The following RADX variants were observed in gnomAD, a reference collection of about 807,000 sequenced individuals.
RADX encodes the protein RPA1 related single stranded DNA binding protein, X-linked, also known as RPA-related protein RADX.
RADX carries 36 observed loss-of-function variants against 61.6 expected under a neutral mutation model. The ratio of observed to expected loss-of-function variants is 0.58; its 90% confidence interval spans 0.45 to 0.77. RADX has a LOEUF of 0.77. Ranked by LOEUF, RADX falls within the 30% of genes least tolerant of loss-of-function variation. RADX has a pLI of 0.00. For missense variants in RADX, 497 were observed against 651.1 expected (o/e 0.76, Z 2.58); for synonymous variants, 272 against 237.9 (o/e 1.14, Z -1.32).
At chrX:106,633,625 C>T (rs1276419969) in intron 6 of RADX, among the ~76,000 whole-genome samples, 1 of 111,693 alleles carries the variant, frequency 9.0e-6, no homozygotes, top group African/African-American at 3.3e-5. Flanking sequence ...ACATCGAAGA[C>T]TTATATAGCA....
At chrX:106,643,164 T>C (rs1255089207) in intron 10 of RADX, among the ~76,000 whole-genome samples, 1 of 111,658 alleles carries the variant, frequency 9.0e-6, no homozygotes, top group East Asian at 2.8e-4. Flanking sequence ...TTTTGCCCGC[T>C]TTTTATTGCA....
chrX:106,612,127 G>A lies in RADX; in HGVS notation c.47G>A (p.Gly16Glu). ...CCTGAGGCTGGTCCCTCACATGCAG[G>A]GCTAGATTGGCCGAACCCTGAGAGG... is the stretch of plus-strand genomic sequence containing the variant. ...GQPEAGPSHA[G>E]LDWPNPERNR... The change falls in exon 1 of 14, where the codon GGG becomes GAG. Residue 16 changes from glycine to glutamate, a missense_variant. Transcript: ENST00000372548. 8.3e-7 allele frequency: 1 copy of A among 1,211,582 alleles called. No individual in the cohort carries two copies. Among genetic ancestry groups the A allele is most frequent in the Non-Finnish European group, 1.1e-6 (1 of 895,287 alleles).
chrX:106,674,050 G>A (rs774516359), intron 13 of RADX, among the ~76,000 whole-genome samples: 3 of 111,187 alleles, frequency 2.7e-5, no homozygotes, highest in Non-Finnish European at 5.7e-5. Flanking sequence ...GGTGGTATTG[G>A]TGATTCAGGA....
At chrX:106,664,844 C>A (rs1360214453) in intron 12 of RADX, among the ~76,000 whole-genome samples, 1 of 110,193 alleles carries the variant, frequency 9.1e-6, no homozygotes, top group African/African-American at 3.3e-5. Context: ...AGAGATAATT[C>A]CACTGCCAAG....
rs1477934370 is a variant in RADX, at chrX:106,619,786, A to G, written c.644-2865A>G. On this transcript the variant is annotated intron_variant, in intron 1 of 13. Coordinates refer to ENST00000372548, the MANE Select transcript of RADX (RefSeq NM_018015.6). ...GTGTATATTTGTTTACATTCTGAGTATTACATTTTTGTTTTCTTTTTCATG... is the reference window on the plus strand; with the variant it reads ...GTGTATATTTGTTTACATTCTGAGTGTTACATTTTTGTTTTCTTTTTCATG... Among the ~76,000 whole-genome samples the G allele has an allele frequency of 4.5e-5, 5 of 110,927 alleles. No homozygotes were observed. In the East Asian group the frequency reaches 1.1e-3, roughly 25 times the overall value.
chrX:106,662,959 AC>A (rs1326368022), intron 12 of RADX, among the ~76,000 whole-genome samples: 1 of 110,231 alleles, frequency 9.1e-6, no homozygotes, highest in Non-Finnish European at 1.9e-5. Flanking sequence ...TGAAAAATTT[AC>A]ACACAAAAAA....
intron 1 of RADX, among the ~76,000 whole-genome samples, chrX:106,618,821 C>A (rs1255365450): frequency 9.0e-6 from 1 of 110,876 alleles, no homozygotes; most frequent in Non-Finnish European, 1.9e-5. Context: ...AAAAAGAGAA[C>A]CACTGGCCTT....
chrX:106,614,876 A>G (rs903162197), intron 1 of RADX, among the ~76,000 whole-genome samples: 6 of 111,644 alleles, frequency 5.4e-5, no homozygotes, highest in Non-Finnish European at 1.1e-4. Flanking sequence ...TTTTAAAAAT[A>G]CAGCTTGATA....
chrX:106,656,090 T>C (rs1318067907), intron 11 of RADX, among the ~76,000 whole-genome samples: 1 of 112,383 alleles, frequency 8.9e-6, no homozygotes, highest in Non-Finnish European at 1.9e-5. Flanking sequence ...TTATCTATTA[T>C]GCTAAGCTTA....
At chrX:106,628,650 T>A (rs1927130649) in intron 3 of RADX, among the ~76,000 whole-genome samples, 1 of 109,067 alleles carries the variant, frequency 9.2e-6, no homozygotes, top group Non-Finnish European at 1.9e-5. Flanking sequence ...GTGAATTTTT[T>A]TTTTTTTTTT....
intron 1 of RADX, among the ~76,000 whole-genome samples, chrX:106,615,588 C>T (rs1926782857): frequency 8.9e-6 from 1 of 111,927 alleles, no homozygotes; most frequent in Admixed American, 9.4e-5. Flanking sequence ...ATTTCCTCCC[C>T]CATTTATTCT....
In RADX at chrX:106,642,243, T is replaced by C. The variant is rs1927531326; in HGVS notation, c.1904+1522T>C. 2.7e-5 allele frequency among the ~76,000 whole-genome samples: 3 copies of C among 111,426 alleles called. No homozygotes were observed. The Admixed American group carries it at 2.9e-4, about 11-fold the overall frequency. On this transcript the variant is annotated intron_variant, in intron 10 of 13. Transcript: ENST00000372548. ...TATCCATCCCATCAAGCATTTATCC[T>C]TTGTATTACAATCAAATTACACTCT...
At chrX:106,625,886 A>G (rs1244134010) in intron 3 of RADX, among the ~76,000 whole-genome samples, 2 of 111,357 alleles carry the variant, frequency 1.8e-5, no homozygotes, top group African/African-American at 6.5e-5. Context: ...TAAACACTTC[A>G]TTAATATTTC....
intron 13 of RADX, 31 bp downstream of exon 13, chrX:106,669,361 G>GAA (rs3833423): frequency 6.8e-4 from 564 of 824,660 alleles, no homozygotes; most frequent in East Asian, 6.8e-3. Flanking sequence ...TTTTCACTCA[G>GAA]AAAAAAAAAA....
rs1397695256 is a variant in RADX at position 106,611,986 on chromosome X, A to G, written c.-95A>G. The stretch of plus-strand genomic sequence containing the variant: ...TCTTGCCTGTCAGCAGGGGCAGAGT[A>G]GCGATCGTCGCCAAAGCGCGCGGTT... On this transcript the variant is annotated 5_prime_UTR_variant, in exon 1 of 14. Transcript: ENST00000372548. 4.2e-6 allele frequency: 4 copies of G among 956,088 alleles called. No homozygotes were observed. Among genetic ancestry groups the G allele is most frequent in the East Asian group, 3.1e-5 (1 of 32,418 alleles). The allele number at this position is 956,088 out of a possible 1,213,427, so 78.8% of individuals were successfully genotyped here.
intron 11 of RADX, among the ~76,000 whole-genome samples, chrX:106,656,546 T>C (rs930543755): frequency 1.8e-5 from 2 of 112,029 alleles, no homozygotes; most frequent in Admixed American, 1.9e-4. Flanking sequence ...GCTATAGCCT[T>C]ATGAAATGCA....
At chrX:106,646,320 T>G (rs1470641687) in intron 10 of RADX, among the ~76,000 whole-genome samples, 1 of 110,724 alleles carries the variant, frequency 9.0e-6, no homozygotes, top group African/African-American at 3.3e-5. Flanking sequence ...AGGAATTTTG[T>G]GGGACCAGAG....
chrX:106,629,494 G>A (rs1267598690), intron 3 of RADX, among the ~76,000 whole-genome samples: 3 of 111,281 alleles, frequency 2.7e-5, no homozygotes, highest in African/African-American at 6.5e-5. Flanking sequence ...AACTAACCAA[G>A]AAGAAAAAAG....
chrX:106,612,880 G>T (rs751321627), intron 1 of RADX, among the ~76,000 whole-genome samples, 157 bp downstream of exon 1: 1 of 112,505 alleles, frequency 8.9e-6, no homozygotes, highest in African/African-American at 3.2e-5. Flanking sequence ...GATGCTCAAT[G>T]AAATTTGCAC....
Sources: gnomAD v4.1 joint callset for allele counts (sites outside exome capture counted in the v4.1 genomes callset) on GRCh38, gnomAD v4.1.1 for gene constraint, MANE v1.5 for transcripts, NCBI Gene and HGNC (gene_info 2026-07-23, HGNC 2026-07-21) for gene names.